The following DLG2 variants were observed in gnomAD, a reference collection of about 807,000 sequenced individuals.
DLG2 encodes the protein disks large homolog 2.
A neutral mutation model predicts 132.5 loss-of-function variants in DLG2; 45 were observed. The observed-to-expected ratio is 0.34, with a 90% confidence interval of 0.27 to 0.44. DLG2 has a LOEUF of 0.44. DLG2 is among the 20% of genes least tolerant of loss of function. The pLI is 1.00. For missense variants in DLG2, 1,045 were observed against 1,196.9 expected (o/e 0.87, Z 1.87); for synonymous variants, 424 against 419.6 (o/e 1.01, Z -0.13).
In DLG2 at chr11:84,889,405, G is replaced by T. The variant is rs1184918216; in HGVS notation, c.357+222256C>A. Reference sequence around the variant, plus strand: ...CTGATTTGCAAAACTAAAACAAGAAGACAAGATATGGGTGTTCCAAGATAG... The same window carrying T: ...CTGATTTGCAAAACTAAAACAAGAATACAAGATATGGGTGTTCCAAGATAG... On this transcript the variant is annotated intron_variant, in intron 6 of 27. Transcript: ENST00000376104. Among the ~76,000 whole-genome samples the T allele has an allele frequency of 4.6e-5, 7 of 152,120 alleles. 1 individual carries two copies. The highest frequency in any genetic ancestry group is 2.6e-4 in the Admixed American group (4 of 15,256).
intron 7 of DLG2, among the ~76,000 whole-genome samples, chr11:84,377,408 A>T (rs1046277734): frequency 2.6e-5 from 4 of 152,078 alleles, no homozygotes; most frequent in African/African-American, 9.6e-5. Context: ...CAAACCAACC[A>T]TAAAATGACA....
intron 7 of DLG2, among the ~76,000 whole-genome samples, chr11:84,252,537 T>C (rs2097400002): frequency 6.6e-6 from 1 of 152,188 alleles, no homozygotes; most frequent in African/African-American, 2.4e-5. Context: ...TATGTTCAAC[T>C]TTCTTTTTTT....
chr11:84,945,915 C>A (rs916872169), intron 6 of DLG2, among the ~76,000 whole-genome samples: 3 of 152,052 alleles, frequency 2.0e-5, no homozygotes, highest in African/African-American at 7.2e-5. Flanking sequence ...GGTACCTTAG[C>A]CACAAGACAA....
rs1451681000 is a variant in DLG2 at position 83,650,834 on chromosome 11, T to C, written c.1826-17509A>G. Among the ~76,000 whole-genome samples, 3 of 152,178 alleles carry C rather than the reference T, an allele frequency of 2.0e-5. No individual in the cohort carries two copies. In the South Asian group the frequency reaches 6.2e-4, roughly 32 times the overall value. ...CTTTCAAGACTGAAAGACTTTCTACTCCAGATGCCATTGGCTGAAGACAGC... is the reference window on the plus strand; with the variant it reads ...CTTTCAAGACTGAAAGACTTTCTACCCCAGATGCCATTGGCTGAAGACAGC... On this transcript the variant is annotated intron_variant, in intron 18 of 27. Transcript: ENST00000376104.
chr11:84,622,321 G>C (rs1490941190), intron 6 of DLG2, among the ~76,000 whole-genome samples: 2 of 152,178 alleles, frequency 1.3e-5, no homozygotes, highest in African/African-American at 4.8e-5. Flanking sequence ...AGTCTTTCTT[G>C]ATAGGAGCAT....
intron 18 of DLG2, among the ~76,000 whole-genome samples, chr11:83,778,242 T>C (rs1287249338): frequency 6.6e-6 from 1 of 152,196 alleles, no homozygotes; most frequent in Non-Finnish European, 1.5e-5. Flanking sequence ...CTAGTGAAGA[T>C]CTGTGTTCAT....
At chr11:83,474,199 G>A (rs2092390453) in intron 22 of DLG2, among the ~76,000 whole-genome samples, 1 of 152,044 alleles carries the variant, frequency 6.6e-6, no homozygotes, top group Non-Finnish European at 1.5e-5. Flanking sequence ...GGTCAGTGAG[G>A]AGTCAGATTC....
chr11:83,492,284 A>G (rs908003097), intron 21 of DLG2, among the ~76,000 whole-genome samples: 1 of 151,942 alleles, frequency 6.6e-6, no homozygotes, highest in African/African-American at 2.4e-5. Flanking sequence ...TGCTTCCTTG[A>G]ACTCTGGTAC....
intron 18 of DLG2, among the ~76,000 whole-genome samples, chr11:83,731,221 C>A (rs1005878027): frequency 6.6e-6 from 1 of 152,132 alleles, no homozygotes; most frequent in Non-Finnish European, 1.5e-5. Flanking sequence ...CTGTACCTAG[C>A]AACCCATCAT....
chr11:85,238,173 T>C (rs2075683898), intron 4 of DLG2, among the ~76,000 whole-genome samples: 1 of 150,466 alleles, frequency 6.6e-6, no homozygotes, highest in Non-Finnish European at 1.5e-5. Context: ...GCTTTTCCTA[T>C]TATCTTAACT....
At chr11:84,250,939 G>A (rs2154350464) in intron 8 of DLG2, among the ~76,000 whole-genome samples, 1 of 152,288 alleles carries the variant, frequency 6.6e-6, no homozygotes, top group East Asian at 1.9e-4. Flanking sequence ...GTTTGCTAGT[G>A]TCTATGAGCA....
intron 16 of DLG2, among the ~76,000 whole-genome samples, chr11:83,863,214 T>C (rs1374446944): frequency 6.6e-6 from 1 of 152,168 alleles, no homozygotes; most frequent in Admixed American, 6.6e-5. Context: ...TACTCTTTTG[T>C]GTGTAAATAA....
intron 7 of DLG2, among the ~76,000 whole-genome samples, chr11:84,402,257 G>A (rs929002327): frequency 2.0e-5 from 3 of 152,078 alleles, no homozygotes; most frequent in Admixed American, 6.5e-5. Flanking sequence ...TATTTTAAGA[G>A]GAATAAAATG....
chr11:85,165,092 T>C (rs943367753), intron 4 of DLG2, among the ~76,000 whole-genome samples: 2 of 152,164 alleles, frequency 1.3e-5, no homozygotes, highest in African/African-American at 4.8e-5. Flanking sequence ...TGTTAAACTA[T>C]TCCAAGTTAG....
At chr11:84,126,653 T>C (rs1219075655) in intron 9 of DLG2, among the ~76,000 whole-genome samples, 7 of 152,198 alleles carry the variant, frequency 4.6e-5, no homozygotes, top group African/African-American at 1.4e-4. Flanking sequence ...TATGAAACTA[T>C]ATTCAACCTC....
intron 11 of DLG2, among the ~76,000 whole-genome samples, chr11:84,046,373 TA>T (rs1157069307): frequency 2.6e-5 from 4 of 151,492 alleles, no homozygotes; most frequent in African/African-American, 7.3e-5. Flanking sequence ...TTATTATAAT[TA>T]AAAAAACTGC....
chr11:84,439,762 A>C (rs1474445746), intron 7 of DLG2, among the ~76,000 whole-genome samples: 1 of 152,210 alleles, frequency 6.6e-6, no homozygotes, highest in Non-Finnish European at 1.5e-5. Context: ...TGTAGTTAAA[A>C]GTGTATTCAA....
At chr11:85,504,147 T>G (rs545118125) in intron 3 of DLG2, among the ~76,000 whole-genome samples, 6 of 152,346 alleles carry the variant, frequency 3.9e-5, no homozygotes, top group Admixed American at 6.5e-5. Flanking sequence ...AAAAATTTTC[T>G]CCCATTCTGT....
rs111852303 is a variant in DLG2 at position 83,796,947 on chromosome 11, T to C, written c.1723-10155A>G. On this transcript the variant is annotated intron_variant, in intron 17 of 27. Coordinates refer to ENST00000376104, the MANE Select transcript of DLG2 (RefSeq NM_001142699.3). ...AATTCTGTGGCGTACAGAGGAGGCA[T>C]TCCTACCAAGGGATGAGGAGGAATG... is the stretch of plus-strand genomic sequence containing the variant. Among the ~76,000 whole-genome samples the C allele has an allele frequency of 4.4e-4, 67 of 152,224 alleles. 1 individual carries two copies. Among genetic ancestry groups the C allele is most frequent in the African/African-American group, 1.6e-3 (66 of 41,550 alleles).
Sources: allele counts gnomAD v4.1 joint callset (sites outside exome capture counted in the v4.1 genomes callset), GRCh38; gene constraint gnomAD v4.1.1; transcripts MANE v1.5; gene names NCBI Gene and HGNC (gene_info 2026-07-23, HGNC 2026-07-21).